The following PLEC variants were observed in gnomAD, a reference collection of about 807,000 sequenced individuals.
PLEC encodes the protein hemidesmosomal protein 1.
A neutral mutation model predicts 392.8 loss-of-function variants in PLEC; 216 were observed. That is an observed-to-expected ratio of 0.55 (90% confidence interval 0.49 to 0.62). PLEC has a LOEUF of 0.62. Among genes scored for constraint, PLEC ranks in the 20% least tolerant of loss-of-function variants. The probability of loss-of-function intolerance (pLI) is 0.00; values close to 1 mark genes in which losing one functional copy is unlikely to be tolerated. For missense variants in PLEC, 6,863 were observed against 6,563.4 expected (o/e 1.05, Z -1.58); for synonymous variants, 3,621 against 2,980.6 (o/e 1.21, Z -7.00).
chr8:143,948,786 G>A (rs1262563819), intron 1 of PLEC, among the ~76,000 whole-genome samples: 2 of 152,238 alleles, frequency 1.3e-5, no homozygotes, highest in South Asian at 4.1e-4. Context: ...AAGGAGGGGA[G>A]GGACTCCCAG....
intron 30 of PLEC, among the ~76,000 whole-genome samples, 194 bp downstream of exon 30, chr8:143,926,590 C>A (rs1554705574): frequency 6.6e-6 from 1 of 152,156 alleles, no homozygotes; most frequent in African/African-American, 2.4e-5. Context: ...GTAGCCACAC[C>A]AGGCCAGGGG....
At chr8:143,940,413 A>C (rs1554727866), upstream of PLEC, among the ~76,000 whole-genome samples, 1 of 152,182 alleles carries the variant, frequency 6.6e-6, no homozygotes, top group African/African-American at 2.4e-5. Context: ...ACAGAGGGGA[A>C]GCCACACCTG....
At chr8:143,959,540 C>A (rs534944510) in intron 1 of PLEC, among the ~76,000 whole-genome samples, 51 of 152,242 alleles carry the variant, frequency 3.3e-4, no homozygotes, top group Non-Finnish European at 5.7e-4. Flanking sequence ...GCTGGCTCTG[C>A]CAGGAGACTC....
At position 143,924,459 on chromosome 8, in the gene PLEC, C is replaced by T. The variant is rs782183816; in HGVS notation, c.5470G>A (p.Ala1824Thr). The T allele has an allele frequency of 3.2e-5, 50 of 1,548,594 alleles. No individual in the cohort carries two copies. The highest frequency in any genetic ancestry group is 2.2e-4 in the East Asian group (9 of 41,288). ...KRQRQLAEED[A>T]ARQRAEAERV... ...TCCGCCTCGGCCCGCTGCCGCGCCG[C>T]GTCTTCCTCGGCCAGCTGCCGCTGC... Residue 1824 changes from alanine to threonine, a missense_variant, in exon 31 of 32, where the codon GCG (alanine) becomes ACG (threonine). Transcript: ENST00000345136.
chr8:143,919,393 G>A lies in PLEC; in HGVS notation c.10428C>T (p.Asp3476=). 4 of 1,613,622 alleles carry A rather than the reference G, an allele frequency of 2.5e-6. No homozygotes were observed. The highest frequency in any genetic ancestry group is 4.5e-5 in the East Asian group (2 of 44,878). Residue 3476 remains aspartate, a synonymous_variant, in exon 32 of 32, where the codon GAC becomes GAT. Transcript: ENST00000345136. The stretch of plus-strand genomic sequence containing the variant: ...CAGGCACGCGGTGGCTGTGCACGGG[G>A]TCGATGATGCCGCCCGTGGCGATCT... ...EAQIATGGII[D]PVHSHRVPVD...
chr8:143,939,482 GC>G lies in PLEC; in HGVS notation c.-22del, dbSNP rs781992430. 7.5e-6 allele frequency: 12 copies of G among 1,603,242 alleles called. No individual in the cohort carries two copies. The Admixed American group carries it at 2.0e-4, about 27-fold the overall frequency. Reference sequence around the variant, plus strand: ...GACATGCTGCCCCCACACCTTCGTCGCCCGGACCCTCGGCCTCAGGCACGGT... The same window carrying G: ...GACATGCTGCCCCCACACCTTCGTCGCCGGACCCTCGGCCTCAGGCACGGT... On this transcript the variant is annotated 5_prime_UTR_variant, in exon 1 of 32. Transcript: ENST00000345136.
At chr8:143,961,680 G>A (rs782023734) in intron 1 of PLEC, among the ~76,000 whole-genome samples, 2 of 152,170 alleles carry the variant, frequency 1.3e-5, no homozygotes, top group Non-Finnish European at 2.9e-5. Flanking sequence ...CCATACAGGG[G>A]AATGCTGTAT....
rs782185891 is a variant in PLEC, at chr8:143,933,378, G to A, written c.1264-27C>T. 2.5e-6 allele frequency: 4 copies of A among 1,605,136 alleles called. No individual in the cohort carries two copies. The Admixed American group carries it at 5.0e-5, about 20-fold the overall frequency. ...TGCAAGGTCGTTGCCATGACTCGGA[G>A]CACAGCTGATCCCCCTCTGACCTCA... On this transcript the variant is annotated intron_variant, in intron 12 of 31. Transcript: ENST00000345136.
chr8:143,942,573 GGCGGCGCCTC>G, upstream of PLEC: 1 of 1,486,818 alleles, frequency 6.7e-7, no homozygotes, highest in Non-Finnish European at 8.9e-7. Context: ...GCTGGACCGC[GGCGGCGCCTC>G]TGCTTCCAGC....
rs782808081 is a variant in PLEC at position 143,920,713 on chromosome 8, C to A, written c.9108G>T (p.Gln3036His). The A allele has an allele frequency of 1.0e-5, 16 of 1,602,940 alleles. No homozygotes were observed. In the South Asian group the frequency reaches 1.8e-4, roughly 18 times the overall value. ...IAGVWLEEAG[Q>H]KLSIYNALKK... is the part of the protein sequence containing the mutation. Reference sequence around the variant, plus strand: ...TCAGGGCATTGTAGATACTCAGCTTCTGCCCCGCCTCCTCCAGCCATACAC... The same window carrying A: ...TCAGGGCATTGTAGATACTCAGCTTATGCCCCGCCTCCTCCAGCCATACAC... Residue 3036 changes from glutamine (Q) to histidine (H), a missense_variant, in exon 32 of 32, where the codon CAG (glutamine) becomes CAT (histidine). By Grantham distance (24) the Gln-to-His change is conservative. Coordinates refer to ENST00000345136, the MANE Select transcript of PLEC (RefSeq NM_201384.3).
rs782766939 is a variant in PLEC at position 143,935,130 on chromosome 8, G to A, written c.719-13C>T. 7 of 1,612,516 alleles carry A rather than the reference G, an allele frequency of 4.3e-6. No homozygotes were observed. The highest frequency in any genetic ancestry group is 5.1e-6 in the Non-Finnish European group (6 of 1,179,610). On this transcript the variant is annotated splice_polypyrimidine_tract_variant and intron_variant, in intron 7 of 31. Coordinates refer to ENST00000345136, the MANE Select transcript of PLEC (RefSeq NM_201384.3). ...GGGACATCCACGTCTGCAGGGAAGG[G>A]CAGCTCAGCGGTGGCTCTGGGGCAG...
rs782542783 is a variant in PLEC at position 143,929,977 on chromosome 8, G to A, written c.2698C>T (p.Arg900Cys). ...MKSLLAWQSL[R>C]RDVQLIRSWS... is the part of the protein sequence containing the mutation. The stretch of plus-strand genomic sequence containing the variant: ...GAGCGGATGAGCTGCACGTCGCGGC[G>A]AAGGCTCTGCCAGGCCAGAAGGCTC... The change falls in exon 22 of 32, where the codon CGC becomes TGC. Residue 900 changes from arginine to cysteine, a missense_variant. By Grantham distance (180) the Arg-to-Cys change is radical. Transcript: ENST00000345136. The A allele has an allele frequency of 2.2e-5, 36 of 1,611,570 alleles. No homozygotes were observed. The highest frequency in any genetic ancestry group is 2.6e-5 in the Non-Finnish European group (31 of 1,179,616).
rs1300520131 is a variant in PLEC, at chr8:143,924,474, G to A, written c.5455C>T (p.Leu1819=). ...LAEEAKRQRQ[L]AEEDAARQRA... ...TGCCGCGCCGCGTCTTCCTCGGCCAGCTGCCGCTGCCGCTTGGCCTCTTCC... is the reference window on the plus strand; with the variant it reads ...TGCCGCGCCGCGTCTTCCTCGGCCAACTGCCGCTGCCGCTTGGCCTCTTCC... The change falls in exon 31 of 32, where the codon CTG becomes TTG. Residue 1819 remains leucine (L), a synonymous_variant. Coordinates refer to ENST00000345136, the MANE Select transcript of PLEC (RefSeq NM_201384.3). 4.6e-6 allele frequency: 7 copies of A among 1,537,344 alleles called. No individual in the cohort carries two copies. The highest frequency in any genetic ancestry group is 1.9e-5 in the Admixed American group (1 of 51,834).
rs1486686974 is a variant in PLEC, at chr8:143,919,203, G to A, written c.10618C>T (p.Leu3540Phe). Residue 3540 changes from leucine to phenylalanine, a missense_variant, in exon 32 of 32, where the codon CTT becomes TTT. By Grantham distance (22) the Leu-to-Phe change is conservative. Transcript: ENST00000345136. ...TTCTCCGCCCCTTTCAGTGGCAGAA[G>A]GCGCAAGCCCGTCTCGGGGTCCTCC... ...CVEDPETGLR[L>F]LPLKGAEKAE... The A allele has an allele frequency of 6.2e-6, 10 of 1,613,738 alleles. No individual in the cohort carries two copies. Among genetic ancestry groups the A allele is most frequent in the Admixed American group, 1.7e-5 (1 of 60,010 alleles).
chr8:143,973,729 G>C (rs1256036664), upstream of PLEC, among the ~76,000 whole-genome samples: 1 of 151,236 alleles, frequency 6.6e-6, no homozygotes, highest in Non-Finnish European at 1.5e-5. The surrounding 1 kb of genome is among the most constrained non-coding windows in gnomAD (Gnocchi z 5.6). Flanking sequence ...GTTCTCGCCC[G>C]GGTCGCGGCC....
upstream of PLEC, among the ~76,000 whole-genome samples, chr8:143,941,164 T>C (rs1830385122): frequency 6.6e-6 from 1 of 152,170 alleles, no homozygotes; most frequent in Non-Finnish European, 1.5e-5. Flanking sequence ...GCCCCGCGCC[T>C]GCTGGGTATG....
At chr8:143,943,278 G>C (rs1361565482), upstream of PLEC, among the ~76,000 whole-genome samples, 1 of 152,156 alleles carries the variant, frequency 6.6e-6, no homozygotes, top group Non-Finnish European at 1.5e-5. Context: ...TGCTGGGCAC[G>C]GTTGCCACCT....
At chr8:143,952,224 ACGCG>A (rs1564213870), upstream of PLEC, among the ~76,000 whole-genome samples, 46 of 123,484 alleles carry the variant, frequency 3.7e-4, 1 homozygote, top group African/African-American at 1.1e-3. Context: ...GCACACACGC[ACGCG>A]CACGCGCACG....
intron 1 of PLEC, chr8:143,945,329 G>A (rs1554731621): frequency 2.6e-6 from 1 of 385,488 alleles, no homozygotes; most frequent in Non-Finnish European, 5.3e-6. Flanking sequence ...GCCACGGCAG[G>A]AGACTGGCCT....
Sources: gnomAD v4.1 joint callset for allele counts (sites outside exome capture counted in the v4.1 genomes callset) on GRCh38, gnomAD v4.1.1 for gene constraint, Gnocchi (gnomAD v3.1) non-coding constraint, MANE v1.5 for transcripts, NCBI Gene and HGNC (gene_info 2026-07-23, HGNC 2026-07-21) for gene names.